ATP2C1: variants seen among roughly 807,000 people sequenced by gnomAD.
The protein encoded by ATP2C1 is ATPase secretory pathway Ca2+ transporting 1.
A neutral mutation model predicts 120.5 loss-of-function variants in ATP2C1; 31 were observed. The observed-to-expected ratio is 0.26, with a 90% CI of 0.19 to 0.35. The LOEUF is 0.35. Among genes scored for constraint, ATP2C1 ranks in the 10% least tolerant of loss-of-function variants. The pLI is 1.00. For missense variants in ATP2C1, 731 were observed against 1,107.5 expected (o/e 0.66, Z 4.83); for synonymous variants, 351 against 358.7 (o/e 0.98, Z 0.24).
Position 130,975,338 on chromosome 3 carries a change from C to A in ATP2C1, c.1420C>A (p.Pro474Thr). The change falls in exon 18 of 28, where the codon CCA becomes ACA. Residue 474 changes from proline to threonine, a missense_variant. Transcript: ENST00000510168. ...TGGTACATTTTCTTCTTAGGACAGA[C>A]CAGAGATTTGTTTTATGAAAGGTGC... ...KCVHRTQQDR[P>T]EICFMKGAYE... is the part of the protein sequence containing the mutation. 1.9e-6 allele frequency: 3 copies of A among 1,613,622 alleles called. No individual in the cohort carries two copies. Among genetic ancestry groups the A allele is most frequent in the Non-Finnish European group, 2.5e-6 (3 of 1,179,712 alleles).
chr3:130,937,283 A>T, intron 5 of ATP2C1, 145 bp from the exon 6 acceptor site: 1 of 721,274 alleles, frequency 1.4e-6, no homozygotes, highest in Non-Finnish European at 2.4e-6. Context: ...ACAGGCCTTA[A>T]GGTAAAGTTG....
At chr3:131,000,603 A>G (rs1438210336) in intron 27 of ATP2C1, among the ~76,000 whole-genome samples, 1 of 152,236 alleles carries the variant, frequency 6.6e-6, no homozygotes, top group Non-Finnish European at 1.5e-5. Flanking sequence ...TCTATGAAAT[A>G]AACTCCTTTT....
intron 1 of ATP2C1, among the ~76,000 whole-genome samples, chr3:130,888,648 C>T (rs2069059746): frequency 6.6e-6 from 1 of 152,196 alleles, no homozygotes; most frequent in Non-Finnish European, 1.5e-5. Flanking sequence ...CTAGCCACTG[C>T]ACTCTCCCTC....
intron 2 of ATP2C1, among the ~76,000 whole-genome samples, chr3:130,916,608 T>C (rs1033740256): frequency 6.6e-6 from 1 of 152,150 alleles, no homozygotes; most frequent in African/African-American, 2.4e-5. Flanking sequence ...TCTTTTGCCT[T>C]AGCGGGGAAA....
At chr3:130,885,511 C>T (rs1474398581) in intron 1 of ATP2C1, among the ~76,000 whole-genome samples, 8 of 151,562 alleles carry the variant, frequency 5.3e-5, no homozygotes, top group Non-Finnish European at 7.4e-5. Flanking sequence ...GTCTATTGTA[C>T]GTTTTTCAAG....
At chr3:130,895,569 T>C (rs2069544069) in intron 2 of ATP2C1, among the ~76,000 whole-genome samples, 1 of 151,098 alleles carries the variant, frequency 6.6e-6, no homozygotes, top group Non-Finnish European at 1.5e-5. Flanking sequence ...TGCGTGATCA[T>C]TTTTTTTTCT....
At chr3:130,992,027 T>G (rs1176330720) in intron 20 of ATP2C1, among the ~76,000 whole-genome samples, 2 of 152,184 alleles carry the variant, frequency 1.3e-5, no homozygotes, top group Admixed American at 6.5e-5. Flanking sequence ...TAAATATTGT[T>G]GGAGAGAGTG....
At chr3:130,918,419 A>T in intron 2 of ATP2C1, 1 of 1,038,854 alleles carries the variant, frequency 9.6e-7, no homozygotes, top group East Asian at 2.4e-5. Flanking sequence ...TCTCAGCAGC[A>T]TGTACGGAAT....
chr3:130,884,369 T>A (rs1343700639), intron 1 of ATP2C1, among the ~76,000 whole-genome samples: 5 of 152,238 alleles, frequency 3.3e-5, no homozygotes, highest in Non-Finnish European at 7.3e-5. Context: ...TCAGAGAAGA[T>A]GCTTGATATT....
intron 19 of ATP2C1, among the ~76,000 whole-genome samples, chr3:130,980,192 G>C (rs1042173964): frequency 2.0e-5 from 3 of 151,956 alleles, no homozygotes; most frequent in Admixed American, 1.3e-4. Flanking sequence ...CTGCTGAGCA[G>C]AACCTGATTG....
At position 130,894,615 on chromosome 3, in the gene ATP2C1, C is replaced by T; in HGVS notation, c.-155C>T. The T allele has an allele frequency of 1.3e-6, 2 of 1,573,452 alleles. No homozygotes were observed. The highest frequency in any genetic ancestry group is 1.1e-5 in the South Asian group (1 of 87,814). ...ATGCTGCTGCTAGGGGTGGTGGGAG[C>T]AGCCGTGGGACGCGTGGCCGGGAGC... is the stretch of plus-strand genomic sequence containing the variant. On this transcript the variant is annotated 5_prime_UTR_variant, in exon 2 of 28. Coordinates refer to ENST00000510168, the MANE Select transcript of ATP2C1 (RefSeq NM_001378687.1). The surrounding 1 kb of genome is among the most constrained non-coding windows in gnomAD (Gnocchi z 4.5).
intron 8 of ATP2C1, among the ~76,000 whole-genome samples, chr3:130,952,526 G>C (rs1224161833): frequency 1.3e-5 from 2 of 152,078 alleles, no homozygotes; most frequent in African/African-American, 4.8e-5. Context: ...TTTAAATTTA[G>C]AATACTTGGT....
chr3:130,955,037 A>C lies in ATP2C1; in HGVS notation c.713A>C (p.Asn238Thr). The change falls in exon 10 of 28, where the codon AAT becomes ACT. Residue 238 changes from asparagine (N) to threonine (T), a missense_variant. Coordinates refer to ENST00000510168, the MANE Select transcript of ATP2C1 (RefSeq NM_001378687.1). The part of the protein sequence containing the change: ...AKGVVIGTGE[N>T]SEFGEVFKMM... The stretch of plus-strand genomic sequence containing the variant: ...GGTGTTGTCATTGGAACAGGAGAAA[A>C]TTCTGAATTTGGGGAGGTTTTTAAA... 1.2e-6 allele frequency: 2 copies of C among 1,612,828 alleles called. No individual in the cohort carries two copies. Among genetic ancestry groups the C allele is most frequent in the Non-Finnish European group, 8.5e-7 (1 of 1,179,154 alleles).
intron 22 of ATP2C1, among the ~76,000 whole-genome samples, 160 bp from the exon 23 acceptor site, chr3:130,995,883 G>T (rs1273287866): frequency 6.6e-6 from 1 of 152,186 alleles, no homozygotes; most frequent in Non-Finnish European, 1.5e-5. Flanking sequence ...GACCCCAGGT[G>T]ATCTGCCAGT....
At chr3:130,953,127 A>T (rs1000102117) in intron 8 of ATP2C1, among the ~76,000 whole-genome samples, 1 of 151,646 alleles carries the variant, frequency 6.6e-6, no homozygotes, top group African/African-American at 2.4e-5. Context: ...ATATGTATGT[A>T]TGTGTGTATG....
Position 130,979,141 on chromosome 3 carries a change from A to T in ATP2C1, c.1571-108A>T, listed in dbSNP as rs1411238909. The T allele has an allele frequency of 2.9e-6, 3 of 1,027,816 alleles. No individual in the cohort carries two copies. In the African/African-American group the frequency reaches 4.8e-5, roughly 16 times the overall value. The allele number at this position is 1,027,816 out of a possible 1,614,324, so 63.7% of individuals were successfully genotyped here. A position where few individuals can be genotyped will look rare whatever the true frequency, so the allele number is the denominator to read the frequency against. On this transcript the variant is annotated intron_variant, in intron 18 of 27. Transcript: ENST00000510168. Reference sequence around the variant, plus strand: ...TTTTACAAATGACATTATAGTCTTAAGTGATTTATTTAAGAAGTGTTACTG... The same window carrying T: ...TTTTACAAATGACATTATAGTCTTATGTGATTTATTTAAGAAGTGTTACTG...
At chr3:130,989,758 C>CA (rs2062227157) in intron 20 of ATP2C1, among the ~76,000 whole-genome samples, 1 of 152,216 alleles carries the variant, frequency 6.6e-6, no homozygotes, top group Non-Finnish European at 1.5e-5. Context: ...ATGGACAACT[C>CA]ACAGTCACAA....
intron 1 of ATP2C1, among the ~76,000 whole-genome samples, chr3:130,859,873 G>T (rs2067960842): frequency 1.3e-5 from 2 of 152,040 alleles, no homozygotes; most frequent in African/African-American, 4.8e-5. Flanking sequence ...AATTGAATTA[G>T]AAATCACAAC....
At chr3:130,979,517 T>C (rs1442779177) in intron 19 of ATP2C1, 98 bp downstream of exon 19, 2 of 1,276,822 alleles carry the variant, frequency 1.6e-6, no homozygotes, top group Non-Finnish European at 2.2e-6. Context: ...GTTTATGTAA[T>C]ATTGAGATTA....
Sources: allele counts gnomAD v4.1 joint callset (sites outside exome capture counted in the v4.1 genomes callset), GRCh38; gene constraint gnomAD v4.1.1; non-coding constraint Gnocchi (gnomAD v3.1); transcripts MANE v1.5; gene names NCBI Gene and HGNC (gene_info 2026-07-23, HGNC 2026-07-21).